The following CAMSAP3 variants were observed in gnomAD, a reference collection of about 807,000 sequenced individuals.
CAMSAP3 encodes the protein calmodulin-regulated spectrin-associated protein 3.
CAMSAP3 carries 34 observed loss-of-function variants against 112.5 expected under a neutral mutation model. That is an observed-to-expected ratio of 0.30 (90% CI 0.23 to 0.40). The LOEUF (loss-of-function observed/expected upper bound fraction) is 0.40. Ranked by LOEUF, CAMSAP3 falls within the 10% of genes least tolerant of loss-of-function variation. The pLI is 1.00. For synonymous variants in CAMSAP3, 868 were observed against 799.8 expected (o/e 1.09, Z -1.44); for missense variants, 1,602 against 1,770.3 (o/e 0.90, Z 1.71).
chr19:7,602,801 A>G (rs977532339), intron 1 of CAMSAP3, among the ~76,000 whole-genome samples: 1 of 151,862 alleles, frequency 6.6e-6, no homozygotes, highest in Non-Finnish European at 1.5e-5. Context: ...AGGTTTCTGG[A>G]AGAAGGAGGC....
rs960416155 is a variant in CAMSAP3 at position 7,618,101 on chromosome 19, C to T, written c.*44C>T. ...CGGGCCGGGCCCTGTGTGCTGCGGC[C>T]GCCATCCCCTGGAGGACAGTCAGTC... On this transcript the variant is annotated 3_prime_UTR_variant, in exon 17 of 17. Coordinates refer to ENST00000160298, the MANE Select transcript of CAMSAP3 (RefSeq NM_020902.2). 16 of 1,577,636 alleles carry T rather than the reference C, an allele frequency of 1.0e-5. No homozygotes were observed. The highest frequency in any genetic ancestry group is 3.9e-4 in the Middle Eastern group (2 of 5,160).
rs746184995 is a variant in CAMSAP3 at position 7,605,452 on chromosome 19, C to T, written c.375C>T (p.Ala125=). 3 of 1,458,700 alleles carry T rather than the reference C, an allele frequency of 2.1e-6. No homozygotes were observed. Among genetic ancestry groups the T allele is most frequent in the East Asian group, 2.6e-5 (1 of 38,070 alleles). 90.4% of individuals were successfully genotyped at this position (1,458,700 alleles called of 1,614,324 possible). The change falls in exon 2 of 17, where the codon GCC becomes GCT. Residue 125 remains alanine, a synonymous_variant. Coordinates refer to ENST00000160298, the MANE Select transcript of CAMSAP3 (RefSeq NM_020902.2). ...TGCCCGAGCGCCCGGTGCGCGAGGC[C>T]GACCTGAGGCACCAGCCCATTCTCA... ...PALPERPVRE[A]DLRHQPILMG... is the part of the protein sequence containing the mutation.
intron 14 of CAMSAP3, among the ~76,000 whole-genome samples, chr19:7,616,934 CTTTTTTTTTTTTTT>C (rs545769780): frequency 3.6e-5 from 3 of 83,036 alleles, no homozygotes. Context: ...TGTGGCCCGC[CTTTTTTTTTTTTTT>C]TTTTTTTTTT....
chr19:7,615,775 T>C lies in CAMSAP3; in HGVS notation c.3112+56T>C. On this transcript the variant is annotated intron_variant, in intron 13 of 16. Coordinates refer to ENST00000160298, the MANE Select transcript of CAMSAP3 (RefSeq NM_020902.2). This position sits in a 1 kb window ranked among gnomAD's most constrained non-coding sequence, Gnocchi z 6.5. ...AGTGCCCTTTCCGGGGCTCACTGGG[T>C]GAGGCCCCCATGGGTAAGGGGGGAG... The C allele has an allele frequency of 1.1e-6, 1 of 890,572 alleles. No homozygotes were observed. The highest frequency in any genetic ancestry group is 3.4e-5 in the African/African-American group (1 of 29,620). 55.2% of individuals were successfully genotyped at this position (890,572 alleles called of 1,614,324 possible).
At position 7,608,218 on chromosome 19, in the gene CAMSAP3, G is replaced by A; in HGVS notation, c.714G>A (p.Leu238=). ...AGGACCTGGCCAGTGGGGCCGCGCT[G>A]GCCGCCACCATCCACTGCTATTGTC... ...SLQDLASGAA[L]AATIHCYCPQ... The change falls in exon 5 of 17, where the codon CTG becomes CTA. Residue 238 remains leucine, a synonymous_variant. Coordinates refer to ENST00000160298, the MANE Select transcript of CAMSAP3 (RefSeq NM_020902.2). 6.2e-7 allele frequency: 1 copy of A among 1,612,670 alleles called. No homozygotes were observed. Among genetic ancestry groups the A allele is most frequent in the Non-Finnish European group, 8.5e-7 (1 of 1,179,880 alleles).
chr19:7,605,251 G>T lies in CAMSAP3; in HGVS notation c.174G>T (p.Glu58Asp). The T allele has an allele frequency of 6.4e-7, 1 of 1,570,154 alleles. No homozygotes were observed. Among genetic ancestry groups the T allele is most frequent in the Middle Eastern group, 1.7e-4 (1 of 5,912 alleles). Residue 58 changes from glutamate (E) to aspartate (D), a missense_variant, in exon 2 of 17, where the codon GAG (glutamate) becomes GAT (aspartate). Transcript: ENST00000160298. The stretch of plus-strand genomic sequence containing the variant: ...AGCACGTGCCCCCGGAGCTGTGGGA[G>T]CCCTTCTATACCGACCAGTACGCGC... ...GAEHVPPELW[E>D]PFYTDQYAQE...
intron 14 of CAMSAP3, 126 bp downstream of exon 14, chr19:7,616,748 A>G: frequency 2.9e-6 from 2 of 683,448 alleles, no homozygotes; most frequent in African/African-American, 3.6e-5. Context: ...CCATGAAGAG[A>G]TGGAGGGACG....
In CAMSAP3 at chr19:7,615,795, G is replaced by C. The variant is rs1174667815; in HGVS notation, c.3112+76G>C. 25 of 1,130,718 alleles carry C rather than the reference G, an allele frequency of 2.2e-5. No homozygotes were observed. Among genetic ancestry groups the C allele is most frequent in the Non-Finnish European group, 2.8e-5 (24 of 863,238 alleles). 70.0% of individuals were successfully genotyped at this position (1,130,718 alleles called of 1,614,324 possible). On this transcript the variant is annotated intron_variant, in intron 13 of 16. Transcript: ENST00000160298. The surrounding 1 kb of genome is among the most constrained non-coding windows in gnomAD (Gnocchi z 6.5). ...CTGGGTGAGGCCCCCATGGGTAAGGGGGGAGGGGGAGGGAGATGTAAGCAG... is the reference window on the plus strand; with the variant it reads ...CTGGGTGAGGCCCCCATGGGTAAGGCGGGAGGGGGAGGGAGATGTAAGCAG...
chr19:7,598,140 T>C (rs2024475633), intron 1 of CAMSAP3, among the ~76,000 whole-genome samples: 1 of 151,788 alleles, frequency 6.6e-6, no homozygotes, highest in Non-Finnish European at 1.5e-5. Flanking sequence ...AACCAGATCA[T>C]AGGGAAGCTG....
chr19:7,596,125 G>T lies in CAMSAP3; in HGVS notation c.123G>T (p.Val41=). 1 of 1,208,002 alleles carries T rather than the reference G, an allele frequency of 8.3e-7. No individual in the cohort carries two copies. The highest frequency in any genetic ancestry group is 1.6e-5 in the African/African-American group (1 of 61,494). The allele number at this position is 1,208,002 out of a possible 1,614,324, so 74.8% of individuals were successfully genotyped here. The change falls in exon 1 of 17, where the codon GTG becomes GTT. Residue 41 remains valine (V), a synonymous_variant. Transcript: ENST00000160298. ...AGGCGGCGGCCAGCCTGGCGTGGGT[G>T]CTGCGGGCCGCGTTCGGGGGCGCAG... is the stretch of plus-strand genomic sequence containing the variant. ...RAKAAASLAW[V]LRAAFGGAEH...
Position 7,612,996 on chromosome 19 carries a change from G to A in CAMSAP3, c.2503G>A (p.Glu835Lys), listed in dbSNP as rs2030589455. ...SILLAEETPP[E>K]EPAARPGLIE... Reference sequence around the variant, plus strand: ...CCTCCTGGCGGAGGAGACGCCCCCCGAGGAGCCAGCCGCCCGGCCGGGCCT... The same window carrying A: ...CCTCCTGGCGGAGGAGACGCCCCCCAAGGAGCCAGCCGCCCGGCCGGGCCT... The change falls in exon 11 of 17, where the codon GAG (glutamate) becomes AAG (lysine). Residue 835 changes from glutamate (E) to lysine (K), a missense_variant. Physicochemically the swap from Glu to Lys is moderately conservative, Grantham distance 56. Around this residue, in one of 6 missense-constraint regions of CAMSAP3, gnomAD observed 1,100 missense variants for 1,135.7 expected, o/e 0.97. Coordinates refer to ENST00000160298, the MANE Select transcript of CAMSAP3 (RefSeq NM_020902.2). The A allele has an allele frequency of 2.5e-6, 4 of 1,578,242 alleles. No homozygotes were observed. Among genetic ancestry groups the A allele is most frequent in the Admixed American group, 1.8e-5 (1 of 56,312 alleles).
chr19:7,598,340 G>T (rs1257769750), intron 1 of CAMSAP3, among the ~76,000 whole-genome samples: 1 of 152,152 alleles, frequency 6.6e-6, no homozygotes, highest in Non-Finnish European at 1.5e-5. Context: ...GGTCCCCGGG[G>T]TGGCGGTGGG....
rs2091196225 is a variant in CAMSAP3, at chr19:7,612,769, C to T, written c.2276C>T (p.Pro759Leu). Residue 759 changes from proline (P) to leucine (L), a missense_variant, in exon 11 of 17, where the codon CCC becomes CTC. Pro to Leu is a moderately conservative substitution (Grantham distance 98). Coordinates refer to ENST00000160298, the MANE Select transcript of CAMSAP3 (RefSeq NM_020902.2). ...TTGPKAASPS[P>L]ARRVPATRRS... Reference sequence around the variant, plus strand: ...GGGCCCAAAGCTGCATCCCCCAGCCCCGCCCGGCGAGTCCCGGCCACCCGG... The same window carrying T: ...GGGCCCAAAGCTGCATCCCCCAGCCTCGCCCGGCGAGTCCCGGCCACCCGG... 6.5e-7 allele frequency: 1 copy of T among 1,531,174 alleles called. No homozygotes were observed. Among genetic ancestry groups the T allele is most frequent in the African/African-American group, 1.4e-5 (1 of 72,234 alleles). 94.8% of individuals were successfully genotyped at this position (1,531,174 alleles called of 1,614,324 possible).
Position 7,611,806 on chromosome 19 carries a change from C to G in CAMSAP3, c.1313C>G (p.Pro438Arg), listed in dbSNP as rs558267944. ...RSVSSDSLGP[P>R]RPAPARTPTQ... ...GTGAGCTCGGACAGCCTGGGCCCCC[C>G]GCGTCCCGCGCCGGCCAGGACCCCC... The change falls in exon 11 of 17, where the codon CCG (proline) becomes CGG (arginine). Residue 438 changes from proline (P) to arginine (R), a missense_variant. This residue lies in a region of CAMSAP3 where 1,100 missense variants were observed against 1,135.7 expected (regional missense o/e 0.97). Transcript: ENST00000160298. This position sits in a 1 kb window ranked among gnomAD's most constrained non-coding sequence, Gnocchi z 6.9. The G allele has an allele frequency of 1.9e-6, 3 of 1,594,158 alleles. No homozygotes were observed.
intron 1 of CAMSAP3, among the ~76,000 whole-genome samples, chr19:7,596,411 G>T (rs1429608521): frequency 6.6e-6 from 1 of 151,444 alleles, no homozygotes. Flanking sequence ...GGTCCCCGGC[G>T]TCCAAGCCTC....
At chr19:7,614,332 T>TG (rs200451800) in intron 11 of CAMSAP3, among the ~76,000 whole-genome samples, 1,783 of 137,364 alleles carry the variant, frequency 0.013, 113 homozygotes, top group Admixed American at 0.093. Flanking sequence ...CATTTTTTTT[T>TG]TTTGTTTTGT....
rs1452406593 is a variant in CAMSAP3, at chr19:7,596,076, A to C, written c.74A>C (p.Asp25Ala). 7.8e-7 allele frequency: 1 copy of C among 1,276,106 alleles called. No homozygotes were observed. Among genetic ancestry groups the C allele is most frequent in the Non-Finnish European group, 1.0e-6 (1 of 984,244 alleles). 79.0% of individuals were successfully genotyped at this position (1,276,106 alleles called of 1,614,324 possible). ...TFLVPEIKSLDQYDFSRAKAA... is the reference protein window; with the variant it reads ...TFLVPEIKSLAQYDFSRAKAA... ...CTAGTGCCCGAGATCAAGTCGCTGG[A>C]CCAGTACGATTTCTCGCGGGCCAAG... is the stretch of plus-strand genomic sequence containing the variant. Residue 25 changes from aspartate to alanine, a missense_variant, in exon 1 of 17, where the codon GAC becomes GCC. Physicochemically the swap from Asp to Ala is moderately radical, Grantham distance 126. This residue lies in a region of CAMSAP3 where 147 missense variants were observed against 144.6 expected (regional missense o/e 1.02). Coordinates refer to ENST00000160298, the MANE Select transcript of CAMSAP3 (RefSeq NM_020902.2).
At position 7,613,171 on chromosome 19, in the gene CAMSAP3, C is replaced by T; in HGVS notation, c.2670+8C>T. On this transcript the variant is annotated splice_region_variant and intron_variant, in intron 11 of 16. Coordinates refer to ENST00000160298, the MANE Select transcript of CAMSAP3 (RefSeq NM_020902.2). ...CTGGGGTTCTTCTACAAGGTGAGTCCCCGAGCAGGTGGCTGGAGGGTCCTG... is the reference window on the plus strand; with the variant it reads ...CTGGGGTTCTTCTACAAGGTGAGTCTCCGAGCAGGTGGCTGGAGGGTCCTG... 1.4e-6 allele frequency: 2 copies of T among 1,467,632 alleles called. No homozygotes were observed. The highest frequency in any genetic ancestry group is 1.8e-6 in the Non-Finnish European group (2 of 1,096,778). 90.9% of individuals were successfully genotyped at this position (1,467,632 alleles called of 1,614,324 possible).
Position 7,616,584 on chromosome 19 carries a change from G to A in CAMSAP3, c.3174G>A (p.Glu1058=). The A allele has an allele frequency of 6.2e-7, 1 of 1,612,112 alleles. No individual in the cohort carries two copies. Among genetic ancestry groups the A allele is most frequent in the Non-Finnish European group, 8.5e-7 (1 of 1,179,840 alleles). The part of the protein sequence containing the change: ...STLSLSTVAN[E]AHNNLGVKRP... ...TGTCACTGTCCACTGTGGCCAACGA[G>A]GCCCACAATAACCTCGGGGTGAAGA... Residue 1058 remains glutamate (E), a synonymous_variant, in exon 14 of 17, where the codon GAG becomes GAA. Transcript: ENST00000160298.
Sources: allele counts gnomAD v4.1 joint callset (sites outside exome capture counted in the v4.1 genomes callset), GRCh38; gene constraint gnomAD v4.1.1; regional missense constraint gnomAD v4.1.1; non-coding constraint Gnocchi (gnomAD v3.1); transcripts MANE v1.5; gene names NCBI Gene and HGNC (gene_info 2026-07-23, HGNC 2026-07-21).